The following BCAT1 variants were observed in gnomAD, a reference collection of about 807,000 sequenced individuals.
BCAT1 encodes branched-chain-amino-acid aminotransferase, cytosolic.
A neutral mutation model predicts 52.4 loss-of-function variants in BCAT1; 48 were observed. The ratio of observed to expected loss-of-function variants is 0.92; its 90% CI spans 0.73 to 1.16. BCAT1 has a LOEUF of 1.16. Among genes scored for constraint, BCAT1 ranks in the 50% most tolerant of loss-of-function variants. BCAT1 has a pLI of 0.00. For synonymous variants in BCAT1, 167 were observed against 161.3 expected (o/e 1.04, Z -0.27); for missense variants, 451 against 457.1 (o/e 0.99, Z 0.12).
intron 6 of BCAT1, among the ~76,000 whole-genome samples, chr12:24,843,891 C>T (rs547198748): frequency 6.6e-6 from 1 of 152,246 alleles, no homozygotes; most frequent in East Asian, 1.9e-4. Flanking sequence ...CAGGCATTTT[C>T]TCCCTTCTGG....
At chr12:24,842,698 T>C (rs1273084119) in intron 6 of BCAT1, among the ~76,000 whole-genome samples, 1 of 152,140 alleles carries the variant, frequency 6.6e-6, no homozygotes, top group Non-Finnish European at 1.5e-5. Flanking sequence ...AGCGCTCTTA[T>C]CTAACACCTT....
intron 8 of BCAT1, among the ~76,000 whole-genome samples, chr12:24,833,187 G>C (rs944190862): frequency 1.3e-5 from 2 of 152,096 alleles, no homozygotes; most frequent in African/African-American, 4.8e-5. Context: ...TCACAAAATT[G>C]ATGCATCCCA....
chr12:24,876,066 TG>T (rs1942326708), intron 5 of BCAT1, among the ~76,000 whole-genome samples: 1 of 151,918 alleles, frequency 6.6e-6, no homozygotes, highest in South Asian at 2.1e-4. Flanking sequence ...AATAAAGTAT[TG>T]GTTATCTCAC....
intron 3 of BCAT1, among the ~76,000 whole-genome samples, chr12:24,885,481 C>G (rs763210160): frequency 6.6e-6 from 1 of 151,976 alleles, no homozygotes; most frequent in Admixed American, 6.5e-5. Context: ...TCAATGTAAT[C>G]CAAATTAAAA....
At chr12:24,921,911 A>C (rs1007287472) in intron 1 of BCAT1, among the ~76,000 whole-genome samples, 1 of 152,248 alleles carries the variant, frequency 6.6e-6, no homozygotes, top group African/African-American at 2.4e-5. Flanking sequence ...GCATGAAAAA[A>C]ATAGTAATGA....
chr12:24,874,772 G>T (rs1942279752), intron 5 of BCAT1, among the ~76,000 whole-genome samples: 1 of 152,216 alleles, frequency 6.6e-6, no homozygotes, highest in Admixed American at 6.5e-5. Context: ...CAACACCAAT[G>T]TGTCCATTGT....
chr12:24,851,479 G>A (rs1941508186), intron 5 of BCAT1, among the ~76,000 whole-genome samples: 1 of 152,200 alleles, frequency 6.6e-6, no homozygotes, highest in Non-Finnish European at 1.5e-5. Flanking sequence ...GTTTACACAA[G>A]CACACACCAA....
intron 5 of BCAT1, among the ~76,000 whole-genome samples, chr12:24,859,073 C>A (rs1355379757): frequency 2.0e-5 from 3 of 152,124 alleles, no homozygotes; most frequent in Non-Finnish European, 2.9e-5. Context: ...TAAAGGACTA[C>A]AAAAGGTTTA....
intron 3 of BCAT1, among the ~76,000 whole-genome samples, chr12:24,889,451 C>T (rs983098183): frequency 2.0e-5 from 3 of 152,240 alleles, no homozygotes; most frequent in Non-Finnish European, 1.5e-5. Flanking sequence ...CTTCCAGAAC[C>T]CTGACCTTCC....
rs997450868 is a variant in BCAT1, at chr12:24,947,461, A to T, written c.6+1466T>A. ...TGCCATGTGCAAATAACATTTTTTT[A>T]AAAAATCAAGCTTGTGATAGCAATA... On this transcript the variant is annotated intron_variant, in intron 1 of 10. Coordinates refer to ENST00000261192, the MANE Select transcript of BCAT1 (RefSeq NM_005504.7). Among the ~76,000 whole-genome samples the T allele has an allele frequency of 8.5e-5, 13 of 152,346 alleles. 1 individual carries two copies. In the South Asian group the frequency reaches 1.0e-3, roughly 12 times the overall value.
chr12:24,852,011 G>A (rs1042114089), intron 5 of BCAT1, among the ~76,000 whole-genome samples: 5 of 152,174 alleles, frequency 3.3e-5, no homozygotes, highest in South Asian at 4.2e-4. Flanking sequence ...TGATAGGATC[G>A]TGGGGGTGAA....
At chr12:24,877,144 T>C (rs1942371459) in intron 5 of BCAT1, among the ~76,000 whole-genome samples, 1 of 152,340 alleles carries the variant, frequency 6.6e-6, no homozygotes, top group East Asian at 1.9e-4. Context: ...ATTTATTCCA[T>C]GGCCCTATAT....
At chr12:24,915,539 G>A (rs901518589) in intron 1 of BCAT1, among the ~76,000 whole-genome samples, 19 of 152,212 alleles carry the variant, frequency 1.2e-4, no homozygotes, top group African/African-American at 4.6e-4. Flanking sequence ...TTAGACTCCT[G>A]AAAGTCATGA....
At chr12:24,885,119 A>G (rs952104699) in intron 3 of BCAT1, among the ~76,000 whole-genome samples, 4 of 152,218 alleles carry the variant, frequency 2.6e-5, no homozygotes, top group Non-Finnish European at 5.9e-5. Context: ...CAGCTTGGAG[A>G]TGAAAAAATA....
At chr12:24,916,995 TA>T (rs1943421031) in intron 1 of BCAT1, among the ~76,000 whole-genome samples, 1 of 152,086 alleles carries the variant, frequency 6.6e-6, no homozygotes, top group Non-Finnish European at 1.5e-5. Flanking sequence ...TGCTGTAAGC[TA>T]TAAATAGCTC....
chr12:24,888,322 A>T (rs1454927430), intron 3 of BCAT1, among the ~76,000 whole-genome samples: 1 of 152,132 alleles, frequency 6.6e-6, no homozygotes, highest in South Asian at 2.1e-4. Context: ...AACATGATGA[A>T]ACCCTGTCTC....
intron 1 of BCAT1, among the ~76,000 whole-genome samples, chr12:24,920,392 T>A (rs1009371529): frequency 1.3e-5 from 2 of 152,220 alleles, no homozygotes; most frequent in African/African-American, 4.8e-5. Flanking sequence ...ATGCTTGACC[T>A]TAGATGCTCC....
chr12:24,862,679 C>T (rs984016171), intron 5 of BCAT1, among the ~76,000 whole-genome samples: 1 of 152,160 alleles, frequency 6.6e-6, no homozygotes, highest in Non-Finnish European at 1.5e-5. Flanking sequence ...TATACTTAGC[C>T]ACCCTGCTCA....
intron 10 of BCAT1, among the ~76,000 whole-genome samples, chr12:24,821,606 C>T (rs1263184157): frequency 2.0e-5 from 3 of 152,134 alleles, no homozygotes; most frequent in African/African-American, 4.8e-5. Context: ...ACATGTTTTG[C>T]TCTTTAGTAT....
Sources: allele counts gnomAD v4.1 joint callset (sites outside exome capture counted in the v4.1 genomes callset), GRCh38; gene constraint gnomAD v4.1.1; transcripts MANE v1.5; gene names NCBI Gene and HGNC (gene_info 2026-07-23, HGNC 2026-07-21).